Variants in KCNB2 observed in about 807,000 individuals in gnomAD.
The protein encoded by KCNB2 is potassium voltage-gated channel subfamily B member 2, also known as delayed rectifier potassium channel protein.
In KCNB2, 15 loss-of-function variants were observed where a neutral mutation model predicts 61.5. The observed-to-expected ratio is 0.24, with a 90% CI of 0.16 to 0.38. The LOEUF (loss-of-function observed/expected upper bound fraction) is 0.38, where lower values mean the gene tolerates loss of function less well. Among genes scored for constraint, KCNB2 ranks in the 10% least tolerant of loss-of-function variants. The pLI, the probability that KCNB2 is intolerant of heterozygous loss-of-function variation, is 1.00. For missense variants in KCNB2, 828 were observed against 1,125.2 expected, an observed-to-expected ratio of 0.74 and a Z score of 3.78; for synonymous variants, 457 against 446.0, an observed-to-expected ratio of 1.02 and a Z score of -0.31.
At chr8:72,610,943 T>C (rs910550899) in intron 2 of KCNB2, among the ~76,000 whole-genome samples, 2 of 152,194 alleles carry the variant, frequency 1.3e-5, no homozygotes, top group Non-Finnish European at 2.9e-5. Flanking sequence ...CTCCAATCAG[T>C]AATGACCTTT....
At chr8:72,729,376 G>T (rs1334736088) in intron 2 of KCNB2, among the ~76,000 whole-genome samples, 1 of 152,172 alleles carries the variant, frequency 6.6e-6, no homozygotes, top group East Asian at 1.9e-4. Context: ...GTTAAAAACT[G>T]ACTCTTAAAT....
chr8:72,911,752 C>T (rs1806299481), intron 2 of KCNB2, among the ~76,000 whole-genome samples: 1 of 152,218 alleles, frequency 6.6e-6, no homozygotes, highest in African/African-American at 2.4e-5. Context: ...TAGAGCCAGA[C>T]TGGCTGGGTT....
At chr8:72,755,370 G>C (rs950264710) in intron 2 of KCNB2, among the ~76,000 whole-genome samples, 6 of 152,154 alleles carry the variant, frequency 3.9e-5, no homozygotes, top group Non-Finnish European at 8.8e-5. Context: ...TCATTAACTG[G>C]AACAAATGTA....
At chr8:72,786,695 G>T (rs1205667493) in intron 2 of KCNB2, among the ~76,000 whole-genome samples, 1 of 152,100 alleles carries the variant, frequency 6.6e-6, no homozygotes, top group Non-Finnish European at 1.5e-5. Flanking sequence ...CATCTTCAGG[G>T]CCAGGAGAAC....
chr8:72,802,507 C>T (rs902669527), intron 2 of KCNB2, among the ~76,000 whole-genome samples: 2 of 152,040 alleles, frequency 1.3e-5, no homozygotes, highest in African/African-American at 4.8e-5. Flanking sequence ...AGGACAGATG[C>T]TTATTTTGTT....
chr8:72,561,747 G>A (rs349349), intron 1 of KCNB2, among the ~76,000 whole-genome samples: 4,305 of 15,238 alleles, frequency 0.28, 726 homozygotes, highest in Admixed American at 0.34. Context: ...ATATATATAT[G>A]TATATATATA....
rs190393996 is a variant in KCNB2 at position 72,716,037 on chromosome 8, T to C, written c.579+147724T>C. Reference sequence around the variant, plus strand: ...CATCAGAGAATACTATAAACATCTCTACGCAAATAAACTAGAAAATCTAGA... The same window carrying C: ...CATCAGAGAATACTATAAACATCTCCACGCAAATAAACTAGAAAATCTAGA... On this transcript the variant is annotated intron_variant, in intron 2 of 2. Coordinates refer to ENST00000523207, the MANE Select transcript of KCNB2 (RefSeq NM_004770.3). Among the ~76,000 whole-genome samples, 501 of 152,338 alleles carry C rather than the reference T, an allele frequency of 3.3e-3. 2 individuals are homozygous for C. The highest frequency in any genetic ancestry group is 0.011 in the African/African-American group (476 of 41,582).
chr8:72,899,830 T>C (rs1806056779), intron 2 of KCNB2, among the ~76,000 whole-genome samples: 1 of 152,112 alleles, frequency 6.6e-6, no homozygotes, highest in Non-Finnish European at 1.5e-5. Flanking sequence ...ACTACCAACA[T>C]CATTTTTCAC....
At chr8:72,719,492 T>G (rs1398679511) in intron 2 of KCNB2, among the ~76,000 whole-genome samples, 2 of 152,208 alleles carry the variant, frequency 1.3e-5, no homozygotes, top group East Asian at 1.9e-4. Flanking sequence ...CTAAATAGAT[T>G]TCTTTAGCAA....
chr8:72,849,946 C>T (rs1489200884), intron 2 of KCNB2, among the ~76,000 whole-genome samples: 4 of 152,092 alleles, frequency 2.6e-5, no homozygotes, highest in African/African-American at 9.7e-5. Flanking sequence ...CAACACCCAC[C>T]ATTTGTCAAA....
intron 2 of KCNB2, among the ~76,000 whole-genome samples, chr8:72,838,294 G>T (rs1809818169): frequency 6.6e-6 from 1 of 152,132 alleles, no homozygotes; most frequent in African/African-American, 2.4e-5. Context: ...GCCCTGGTAT[G>T]TGATGTTCCC....
At chr8:72,732,353 C>T (rs1214892519) in intron 2 of KCNB2, among the ~76,000 whole-genome samples, 4 of 152,174 alleles carry the variant, frequency 2.6e-5, no homozygotes, top group Admixed American at 6.5e-5. Context: ...AGGCAGAGCC[C>T]GCTTGTGTGA....
At chr8:72,570,119 A>G (rs1265570108) in intron 2 of KCNB2, among the ~76,000 whole-genome samples, 1 of 151,926 alleles carries the variant, frequency 6.6e-6, no homozygotes, top group Non-Finnish European at 1.5e-5. Flanking sequence ...TTAATCTCTA[A>G]GAGGGTAACT....
At chr8:72,623,942 C>G (rs1242259255) in intron 2 of KCNB2, among the ~76,000 whole-genome samples, 5 of 152,188 alleles carry the variant, frequency 3.3e-5, no homozygotes, top group Non-Finnish European at 7.4e-5. Flanking sequence ...TCACCCCTTT[C>G]TTTCATGTCC....
chr8:72,804,355 C>G (rs1809182749), intron 2 of KCNB2, among the ~76,000 whole-genome samples: 1 of 151,852 alleles, frequency 6.6e-6, no homozygotes, highest in African/African-American at 2.4e-5. Context: ...GAATATGGAG[C>G]CTAGAAAATC....
At chr8:72,801,195 G>T (rs1417758192) in intron 2 of KCNB2, among the ~76,000 whole-genome samples, 1 of 152,162 alleles carries the variant, frequency 6.6e-6, no homozygotes, top group African/African-American at 2.4e-5. Context: ...CCATTACTTG[G>T]TTTAAATAGT....
chr8:72,868,934 C>T (rs1015530212), intron 2 of KCNB2, among the ~76,000 whole-genome samples: 2 of 152,176 alleles, frequency 1.3e-5, no homozygotes, highest in African/African-American at 4.8e-5. Context: ...AGGAAAGTCT[C>T]TTCCTTTTTT....
intron 2 of KCNB2, among the ~76,000 whole-genome samples, chr8:72,715,851 C>CA (rs1299460334): frequency 3.9e-5 from 6 of 152,030 alleles, no homozygotes; most frequent in Non-Finnish European, 7.4e-5. Flanking sequence ...AAAAACCTTT[C>CA]AAAAAATCAA....
chr8:72,891,365 A>C (rs1805893582), intron 2 of KCNB2, among the ~76,000 whole-genome samples: 1 of 152,194 alleles, frequency 6.6e-6, no homozygotes, highest in African/African-American at 2.4e-5. Context: ...TGCGTTCCAT[A>C]AAGCTCCACC....
Sources: gnomAD v4.1 joint callset for allele counts (sites outside exome capture counted in the v4.1 genomes callset) on GRCh38, gnomAD v4.1.1 for gene constraint, MANE v1.5 for transcripts, NCBI Gene and HGNC (gene_info 2026-07-23, HGNC 2026-07-21) for gene names.